SLTM: variants seen among roughly 807,000 people sequenced by gnomAD.
The protein encoded by SLTM is SAFB like transcription modulator.
SLTM carries 43 observed loss-of-function variants against 134.6 expected under a neutral mutation model. That is an observed-to-expected ratio of 0.32 (90% CI 0.25 to 0.41). SLTM has a LOEUF of 0.41. SLTM is among the 10% of genes least tolerant of loss of function. SLTM has a pLI of 1.00. For missense variants in SLTM, 1,055 were observed against 1,288.8 expected (o/e 0.82, Z 2.78); for synonymous variants, 424 against 432.3 (o/e 0.98, Z 0.24).
rs144937687 is a variant in SLTM, at chr15:58,909,627, A to G, written c.561+2936T>C. ...GGTACCATCACAAAAAGACAACCAG[A>G]TATTATGTGCATCCAAATAGAAGAA... On this transcript the variant is annotated intron_variant, in intron 5 of 20. Coordinates refer to ENST00000380516, the MANE Select transcript of SLTM (RefSeq NM_024755.4). Among the ~76,000 whole-genome samples, 192 of 152,354 alleles carry G rather than the reference A, an allele frequency of 1.3e-3. 1 individual carries two copies. Among genetic ancestry groups the G allele is most frequent in the African/African-American group, 3.4e-3 (143 of 41,584 alleles).
chr15:58,924,285 C>T (rs2037308368), intron 2 of SLTM, among the ~76,000 whole-genome samples: 1 of 152,144 alleles, frequency 6.6e-6, no homozygotes, highest in South Asian at 2.1e-4. Context: ...TAAAATATAA[C>T]TTGCATGATT....
intron 2 of SLTM, among the ~76,000 whole-genome samples, chr15:58,920,031 T>G (rs565897838): frequency 1.3e-5 from 2 of 152,146 alleles, no homozygotes; most frequent in Admixed American, 1.3e-4. Flanking sequence ...TAATTATCTT[T>G]GAGGCCGGGC....
Position 58,894,512 on chromosome 15 carries a change from G to A in SLTM, c.1298C>T (p.Ser433Phe), listed in dbSNP as rs547307930. 6.2e-7 allele frequency: 1 copy of A among 1,614,118 alleles called. No homozygotes were observed. The highest frequency in any genetic ancestry group is 2.2e-5 in the East Asian group (1 of 44,872). ...ACACCTGGACACCTCTGTGCTTGAA[G>A]ACATAGTTACAATGCCATAGCATTT... ...GAKCYGIVTM[S>F]SSTEVSRCIA... Residue 433 changes from serine to phenylalanine, a missense_variant, in exon 10 of 21, where the codon TCT becomes TTT. Physicochemically the swap from Ser to Phe is radical, Grantham distance 155. Around this residue, in one of 3 missense-constraint regions of SLTM, gnomAD observed 776 missense variants for 962.2 expected, o/e 0.81. Transcript: ENST00000380516.
intron 5 of SLTM, among the ~76,000 whole-genome samples, chr15:58,910,124 T>C (rs1469692658): frequency 6.6e-6 from 1 of 152,170 alleles, no homozygotes; most frequent in African/African-American, 2.4e-5. Flanking sequence ...AAAATAAGAG[T>C]TCTCTTTTAG....
chr15:58,885,821 A>AAC (rs59007619), intron 19 of SLTM, among the ~76,000 whole-genome samples: 33,391 of 151,172 alleles, frequency 0.22, 3,916 homozygotes, highest in South Asian at 0.45. Context: ...AAAAAACAAC[A>AAC]ACACACACAC....
intron 2 of SLTM, among the ~76,000 whole-genome samples, chr15:58,926,350 AG>A (rs2037466127): frequency 6.6e-6 from 1 of 152,126 alleles, no homozygotes; most frequent in South Asian, 2.1e-4. Context: ...GTTGTTGAAA[AG>A]GGGGGAAAAA....
intron 14 of SLTM, among the ~76,000 whole-genome samples, chr15:58,892,586 C>T (rs1281398632): frequency 6.6e-5 from 10 of 152,036 alleles, no homozygotes; most frequent in Non-Finnish European, 1.3e-4. Flanking sequence ...GTCTGAGTCC[C>T]GACTCTGCCA....
Position 58,880,112 on chromosome 15 carries a change from A to G in SLTM, c.2997-5T>C. 6.2e-7 allele frequency: 1 copy of G among 1,610,870 alleles called. No homozygotes were observed. Among genetic ancestry groups the G allele is most frequent in the East Asian group, 2.2e-5 (1 of 44,844 alleles). On this transcript the variant is annotated splice_polypyrimidine_tract_variant and splice_region_variant and intron_variant, in intron 20 of 20. Transcript: ENST00000380516. ...CTATTAATTGGGGATGCGTTACTGA[A>G]AAAGGTTTAAAAGAAAAAAACATCA...
At chr15:58,906,366 G>A (rs1428027482) in intron 5 of SLTM, among the ~76,000 whole-genome samples, 1 of 152,056 alleles carries the variant, frequency 6.6e-6, no homozygotes, top group Non-Finnish European at 1.5e-5. Flanking sequence ...TGTCTACAAG[G>A]TAAGTACTCA....
chr15:58,924,459 C>T (rs753223054), intron 2 of SLTM, among the ~76,000 whole-genome samples: 17 of 152,142 alleles, frequency 1.1e-4, no homozygotes, highest in Non-Finnish European at 1.9e-4. Context: ...AAGAGTAAAA[C>T]GTTGCATATA....
rs765954420 is a variant in SLTM, at chr15:58,880,103, C to T, written c.3001G>A (p.Ala1001Thr). Reference sequence around the variant, plus strand: ...TGTACAATTCTATTAATTGGGGATGCGTTACTGAAAAAGGTTTAAAAGAAA... The same window carrying T: ...TGTACAATTCTATTAATTGGGGATGTGTTACTGAAAAAGGTTTAAAAGAAA... ...AGMITQHSSN[A>T]SPINRIVQIS... The change falls in exon 21 of 21, where the codon GCA (alanine) becomes ACA (threonine). Residue 1001 changes from alanine to threonine, a missense_variant. By Grantham distance (58) the Ala-to-Thr change is moderately conservative (BLOSUM62 0). Around this residue, in one of 3 missense-constraint regions of SLTM, gnomAD observed 776 missense variants for 962.2 expected, o/e 0.81. Coordinates refer to ENST00000380516, the MANE Select transcript of SLTM (RefSeq NM_024755.4). The T allele has an allele frequency of 8.7e-6, 14 of 1,610,564 alleles. No homozygotes were observed. Among genetic ancestry groups the T allele is most frequent in the East Asian group, 2.2e-5 (1 of 44,830 alleles).
At chr15:58,890,188 A>C in intron 15 of SLTM, 93 bp downstream of exon 15, 1 of 1,408,912 alleles carries the variant, frequency 7.1e-7, no homozygotes, top group African/African-American at 1.4e-5. Context: ...CATTCTATAG[A>C]CGCTTTACAA....
intron 3 of SLTM, chr15:58,916,633 GAACT>G (rs1301837934): frequency 2.8e-5 from 6 of 214,920 alleles, no homozygotes; most frequent in Non-Finnish European, 2.8e-5. Context: ...TCTCATCCAG[GAACT>G]AACATGTATA....
intron 17 of SLTM, among the ~76,000 whole-genome samples, chr15:58,887,843 C>A (rs1230353774): frequency 1.1e-4 from 16 of 152,080 alleles, no homozygotes; most frequent in African/African-American, 3.9e-4. Context: ...GCAATCAGTG[C>A]TTCCACAGTT....
chr15:58,894,661 C>G lies in SLTM; in HGVS notation c.1228-79G>C, dbSNP rs940616479. On this transcript the variant is annotated intron_variant, in intron 9 of 20. Transcript: ENST00000380516. ...CTTCTAAATACATGAAACTTCACAACTGAAACTATATATTAATTCAGGGTG... is the reference window on the plus strand; with the variant it reads ...CTTCTAAATACATGAAACTTCACAAGTGAAACTATATATTAATTCAGGGTG... 1.2e-5 allele frequency: 16 copies of G among 1,318,200 alleles called. No individual in the cohort carries two copies. The Admixed American group carries it at 2.5e-4, about 21-fold the overall frequency. 81.7% of individuals were successfully genotyped at this position (1,318,200 alleles called of 1,614,324 possible).
At chr15:58,884,412 G>T (rs1287000734) in intron 19 of SLTM, among the ~76,000 whole-genome samples, 1 of 151,948 alleles carries the variant, frequency 6.6e-6, no homozygotes, top group Non-Finnish European at 1.5e-5. Flanking sequence ...TCCGCCCCCC[G>T]GATTCAAGCG....
intron 2 of SLTM, among the ~76,000 whole-genome samples, chr15:58,922,950 T>C (rs2037200876): frequency 6.6e-6 from 1 of 151,990 alleles, no homozygotes; most frequent in African/African-American, 2.4e-5. Flanking sequence ...TCCTGACCTC[T>C]AGTGATCAGC....
Position 58,933,608 on chromosome 15 carries a change from G to C in SLTM, c.-43C>G, listed in dbSNP as rs1468961993. ...CTGCCGAGGCAGCGAGTGGGCTGCAGGGCGGCGGCAGCAGCGCCAACTTCC... is the reference window on the plus strand; with the variant it reads ...CTGCCGAGGCAGCGAGTGGGCTGCACGGCGGCGGCAGCAGCGCCAACTTCC... On this transcript the variant is annotated 5_prime_UTR_variant, in exon 1 of 21. Transcript: ENST00000380516. The C allele has an allele frequency of 1.3e-6, 2 of 1,512,996 alleles. No homozygotes were observed. Among genetic ancestry groups the C allele is most frequent in the Non-Finnish European group, 1.8e-6 (2 of 1,131,306 alleles). The allele number at this position is 1,512,996 out of a possible 1,614,324, so 93.7% of individuals were successfully genotyped here.
At chr15:58,894,693 A>C in intron 9 of SLTM, 111 bp from the exon 10 acceptor site, 3 of 848,502 alleles carry the variant, frequency 3.5e-6, no homozygotes, top group Non-Finnish European at 3.6e-6. Context: ...GGTGTATCTT[A>C]TTCTGTCTCA....
Sources: gnomAD v4.1 joint callset for allele counts (sites outside exome capture counted in the v4.1 genomes callset) on GRCh38, gnomAD v4.1.1 for gene constraint, gnomAD v4.1.1 regional missense constraint, MANE v1.5 for transcripts, NCBI Gene and HGNC (gene_info 2026-07-23, HGNC 2026-07-21) for gene names.